The following EXOC4 variants were observed in gnomAD, a reference collection of about 807,000 sequenced individuals.
The protein encoded by EXOC4 is SEC8-like 1.
EXOC4 carries 71 observed loss-of-function variants against 107.2 expected under a neutral mutation model. The observed-to-expected ratio is 0.66, with a 90% CI of 0.55 to 0.81. The LOEUF (loss-of-function observed/expected upper bound fraction) is 0.81. EXOC4 is among the 30% of genes least tolerant of loss of function. EXOC4 has a pLI of 0.00. For synonymous variants in EXOC4, 456 were observed against 441.2 expected (o/e 1.03, Z -0.42); for missense variants, 1,108 against 1,189.6 (o/e 0.93, Z 1.01).
chr7:133,960,857 T>C (rs1172587249), intron 14 of EXOC4, among the ~76,000 whole-genome samples: 1 of 152,188 alleles, frequency 6.6e-6, no homozygotes, highest in Admixed American at 6.5e-5. Context: ...CTGCCATTTA[T>C]TGAGAATTTA....
downstream of EXOC4, among the ~76,000 whole-genome samples, chr7:134,067,103 T>C (rs1240632793): frequency 1.4e-5 from 2 of 141,026 alleles, no homozygotes; most frequent in Non-Finnish European, 3.0e-5. Flanking sequence ...TGAGCCCAGA[T>C]CACACCATTG....
chr7:133,707,746 G>C (rs568941412), intron 10 of EXOC4, among the ~76,000 whole-genome samples: 7 of 152,218 alleles, frequency 4.6e-5, no homozygotes, highest in Middle Eastern at 3.4e-3. Flanking sequence ...CTCCTGAGTA[G>C]CTGGGACTAC....
chr7:133,460,857 A>G (rs535577258), intron 7 of EXOC4, among the ~76,000 whole-genome samples: 3 of 152,240 alleles, frequency 2.0e-5, no homozygotes, highest in African/African-American at 7.2e-5. Context: ...ATCATTAGAC[A>G]TGAATTTTGT....
chr7:133,464,619 AAGAATAGTAG>A (rs1265437261), intron 7 of EXOC4, among the ~76,000 whole-genome samples: 1 of 152,082 alleles, frequency 6.6e-6, no homozygotes, highest in Admixed American at 6.6e-5. Flanking sequence ...CAGAATCCTA[AAGAATAGTAG>A]AGTGGAGGTT....
chr7:133,304,464 C>T (rs1794709193), intron 3 of EXOC4, among the ~76,000 whole-genome samples: 1 of 152,194 alleles, frequency 6.6e-6, no homozygotes. Context: ...GGGCTTGTCA[C>T]TCTCCCATTC....
intron 2 of EXOC4, among the ~76,000 whole-genome samples, chr7:133,281,921 T>G (rs558145473): frequency 1.3e-5 from 2 of 152,298 alleles, no homozygotes; most frequent in South Asian, 4.1e-4. Context: ...CAGGCTAGTC[T>G]TGAACTCCTG....
chr7:133,363,145 A>G (rs1211564224), intron 6 of EXOC4, among the ~76,000 whole-genome samples: 1 of 152,250 alleles, frequency 6.6e-6, no homozygotes, highest in Non-Finnish European at 1.5e-5. Context: ...TATCATGAGA[A>G]CATGCTTTAA....
At chr7:133,347,832 A>G (rs1336849997) in intron 5 of EXOC4, among the ~76,000 whole-genome samples, 1 of 152,192 alleles carries the variant, frequency 6.6e-6, no homozygotes, top group Admixed American at 6.5e-5. Flanking sequence ...AAATCTTTTA[A>G]TATTTAGCAT....
chr7:133,760,639 C>A (rs1382193232), intron 10 of EXOC4, among the ~76,000 whole-genome samples: 1 of 151,860 alleles, frequency 6.6e-6, no homozygotes, highest in African/African-American at 2.4e-5. Context: ...CATTCTGGAG[C>A]TTTTAGGAAA....
intron 10 of EXOC4, among the ~76,000 whole-genome samples, chr7:133,753,106 C>A: frequency 6.6e-6 from 1 of 152,336 alleles, no homozygotes; most frequent in East Asian, 1.9e-4. Context: ...TTGACCAACT[C>A]TTTTAAAGAT....
rs546462900 is a variant in EXOC4 at position 133,507,719 on chromosome 7, C to T, written c.1417+27581C>T. Among the ~76,000 whole-genome samples the T allele has an allele frequency of 1.3e-4, 20 of 152,264 alleles. 1 individual carries two copies. The highest frequency in any genetic ancestry group is 3.8e-4 in the African/African-American group (16 of 41,560). ...ACCAGTTGACTTTTTTTCCTATCAC[C>T]ACTGGCTAGTTCTGAAGTATAAAGT... On this transcript the variant is annotated intron_variant, in intron 9 of 17. Coordinates refer to ENST00000253861, the MANE Select transcript of EXOC4 (RefSeq NM_021807.4).
intron 15 of EXOC4, among the ~76,000 whole-genome samples, chr7:134,003,078 A>G (rs892961123): frequency 5.3e-5 from 8 of 152,172 alleles, no homozygotes; most frequent in Admixed American, 3.9e-4. Context: ...CTAAATATCA[A>G]TGGGCGAATA....
At chr7:133,970,791 G>A (rs1801202983) in intron 14 of EXOC4, among the ~76,000 whole-genome samples, 1 of 152,072 alleles carries the variant, frequency 6.6e-6, no homozygotes, top group Admixed American at 6.5e-5. Context: ...TTCCTATTCA[G>A]CCATCTTGCC....
At chr7:133,473,256 T>A (rs1359499271) in intron 7 of EXOC4, among the ~76,000 whole-genome samples, 1 of 152,218 alleles carries the variant, frequency 6.6e-6, no homozygotes, top group East Asian at 1.9e-4. Context: ...GTTTGGGTGA[T>A]GTATTAACAG....
intron 7 of EXOC4, among the ~76,000 whole-genome samples, chr7:133,401,092 C>T (rs938954208): frequency 5.9e-5 from 9 of 151,892 alleles, no homozygotes; most frequent in African/African-American, 2.2e-4. Flanking sequence ...TTTTAATTTC[C>T]ACTCTGGGGT....
Position 133,480,278 on chromosome 7 carries a change from A to G in EXOC4, c.1417+140A>G, listed in dbSNP as rs1672507424. On this transcript the variant is annotated intron_variant, in intron 9 of 17. Transcript: ENST00000253861. ...GACTTAATAATTTGTTTCTTCTGTAATTTCCCAGCATCTGCTGCCAAGCAG... is the reference window on the plus strand; with the variant it reads ...GACTTAATAATTTGTTTCTTCTGTAGTTTCCCAGCATCTGCTGCCAAGCAG... 1.2e-5 allele frequency: 17 copies of G among 1,478,234 alleles called. No homozygotes were observed. In the South Asian group the frequency reaches 2.2e-4, roughly 19 times the overall value. The allele number at this position is 1,478,234 out of a possible 1,614,324, so 91.6% of individuals were successfully genotyped here.
chr7:133,558,196 C>CTTTTCTTTTCTTTTCTTTTCTTTTT (rs1449357587), intron 9 of EXOC4, among the ~76,000 whole-genome samples: 9,886 of 100,840 alleles, frequency 0.098, 540 homozygotes, highest in Non-Finnish European at 0.12. Flanking sequence ...CTTCTCTTTT[C>CTTTTCTTTTCTTTTCTTTTCTTTTT]TTTTCTTTTC....
At chr7:133,334,168 T>C (rs1428894906) in intron 5 of EXOC4, among the ~76,000 whole-genome samples, 1 of 152,196 alleles carries the variant, frequency 6.6e-6, no homozygotes, top group Non-Finnish European at 1.5e-5. Flanking sequence ...AGCATTATCA[T>C]GTTGTAAGCA....
In EXOC4 at chr7:133,823,889, TATATTTTATATATATATATATAA is replaced by T. The variant is rs1563015032; in HGVS notation, c.1734+6350_1734+6372del. Among the ~76,000 whole-genome samples the T allele has an allele frequency of 8.5e-4, 19 of 22,400 alleles. 3 individuals carry two copies. The African/African-American group carries it at 9.5e-3, about 11-fold the overall frequency. The allele number at this position is 22,400 out of a possible 152,430, so 14.7% of individuals were successfully genotyped here. ...TATATATATTATATATATATATATA[TATATTTTATATATATATATATAA>T]ATATATATATAAATTATATATATAT... On this transcript the variant is annotated intron_variant, in intron 11 of 17. Coordinates refer to ENST00000253861, the MANE Select transcript of EXOC4 (RefSeq NM_021807.4).
Sources: gnomAD v4.1 joint callset for allele counts (sites outside exome capture counted in the v4.1 genomes callset) on GRCh38, gnomAD v4.1.1 for gene constraint, MANE v1.5 for transcripts, NCBI Gene and HGNC (gene_info 2026-07-23, HGNC 2026-07-21) for gene names.